The following U2AF1L4 variants were observed in gnomAD, a reference collection of about 807,000 sequenced individuals.
U2AF1L4 encodes splicing factor U2AF 26 kDa subunit.
In U2AF1L4, 21 loss-of-function variants were observed where a neutral mutation model predicts 21.7. The ratio of observed to expected loss-of-function variants is 0.97; its 90% CI spans 0.69 to 1.39. The LOEUF is 1.39. U2AF1L4 is among the 40% of genes most tolerant of loss of function. The pLI is 0.00. For missense variants in U2AF1L4, 259 were observed against 245.7 expected, an observed-to-expected ratio of 1.05 and a Z score of -0.36; for synonymous variants, 92 against 89.7, an observed-to-expected ratio of 1.03 and a Z score of -0.15.
chr19:35,745,092 C>G (rs746299510), intron 2 of U2AF1L4, 33 bp downstream of exon 2: 4 of 1,602,354 alleles, frequency 2.5e-6, no homozygotes, highest in Non-Finnish European at 3.4e-6. Context: ...GCCAGGGAGC[C>G]GTTAACCCCC....
At position 35,744,385 on chromosome 19, in the gene U2AF1L4, T is replaced by G. The variant is rs1195675624; in HGVS notation, c.169A>C (p.Ile57Leu). The G allele has an allele frequency of 5.0e-6, 8 of 1,613,952 alleles. No homozygotes were observed. The highest frequency in any genetic ancestry group is 6.8e-6 in the Non-Finnish European group (8 of 1,180,030). Residue 57 changes from isoleucine to leucine, a missense_variant, in exon 3 of 6, where the codon ATT becomes CTT. Coordinates refer to ENST00000378975, the MANE Select transcript of U2AF1L4 (RefSeq NM_001040425.3). ...TTGTCGCACACATTCATCTCTTCAATCTCCCCATACTTCTCCTGCAGTTCT... is the reference window on the plus strand; with the variant it reads ...TTGTCGCACACATTCATCTCTTCAAGCTCCCCATACTTCTCCTGCAGTTCT... ...FTELQEKYGE[I>L]EEMNVCDNLG...
Position 35,742,800 on chromosome 19 carries a change from T to C in U2AF1L4, c.465A>G (p.Ser155=), listed in dbSNP as rs774598881. ...GGTGGCCAGTATGGAACCTCGGGGG[T>C]GACCTGGGAATAGGAGCGTTGAGAG... ...QLYGRGPRRR[S]PPRFHTGHHP... Residue 155 remains serine (S), a synonymous_variant, in exon 6 of 6, where the codon TCA becomes TCG. Transcript: ENST00000378975. 5 of 1,609,656 alleles carry C rather than the reference T, an allele frequency of 3.1e-6. No homozygotes were observed. In the African/African-American group the frequency reaches 6.7e-5, roughly 22 times the overall value.
intron 5 of U2AF1L4, 38 bp downstream of exon 5, chr19:35,743,771 A>C (rs1449414684): frequency 3.8e-6 from 6 of 1,562,386 alleles, no homozygotes; most frequent in Non-Finnish European, 5.2e-6. Flanking sequence ...TAGGGGCCTT[A>C]GGACATGAGG....
intron 2 of U2AF1L4, 117 bp from the exon 3 acceptor site, chr19:35,744,538 G>A (rs555773268): frequency 2.5e-6 from 4 of 1,590,746 alleles, no homozygotes; most frequent in East Asian, 4.5e-5. Flanking sequence ...TCACTCACAT[G>A]ACCTGGGGTG....
chr19:35,744,496 A>G (rs935102552), intron 2 of U2AF1L4, 75 bp from the exon 3 acceptor site: 1 of 1,611,692 alleles, frequency 6.2e-7, no homozygotes, highest in African/African-American at 1.3e-5. Context: ...CTCACCTCGA[A>G]GAAGCTATCA....
At chr19:35,745,080 G>A in intron 2 of U2AF1L4, 45 bp downstream of exon 2, 1 of 1,579,810 alleles carries the variant, frequency 6.3e-7, no homozygotes, top group Non-Finnish European at 8.7e-7. Context: ...AGAAGGGGAA[G>A]GGCCAGGGAG....
At position 35,742,754 on chromosome 19, in the gene U2AF1L4, G is replaced by A. The variant is rs1322578474; in HGVS notation, c.511C>T (p.Arg171Trp). 2.4e-5 allele frequency: 39 copies of A among 1,610,428 alleles called. No individual in the cohort carries two copies. Among genetic ancestry groups the A allele is most frequent in the African/African-American group, 4.0e-5 (3 of 74,650 alleles). The stretch of plus-strand genomic sequence containing the variant: ...CCATGCCAGTGATCAGGGGAACACC[G>A]ATGGTTCCTCTCTCGGGGATGGTGG... ...TGHHPRERNH[R>W]CSPDHWHGRF The change falls in exon 6 of 6, where the codon CGG becomes TGG. Residue 171 changes from arginine (R) to tryptophan (W), a missense_variant. Coordinates refer to ENST00000378975, the MANE Select transcript of U2AF1L4 (RefSeq NM_001040425.3).
rs1232505764 is a variant in U2AF1L4, at chr19:35,745,229, G to A, written c.45-17C>T. The A allele has an allele frequency of 6.2e-7, 1 of 1,612,486 alleles. No homozygotes were observed. The highest frequency in any genetic ancestry group is 8.5e-7 in the Non-Finnish European group (1 of 1,179,276). ...CAGTTAACCCTGGAAAAGGTGCAAA[G>A]ACAAAGGTGAACCGAGGGCCGGGGA... is the stretch of plus-strand genomic sequence containing the variant. On this transcript the variant is annotated splice_polypyrimidine_tract_variant and intron_variant, in intron 1 of 5. Coordinates refer to ENST00000378975, the MANE Select transcript of U2AF1L4 (RefSeq NM_001040425.3).
intron 5 of U2AF1L4, 185 bp downstream of exon 5, chr19:35,743,624 T>A: frequency 1.6e-6 from 1 of 637,530 alleles, no homozygotes; most frequent in Middle Eastern, 4.1e-4. Context: ...GAGGCGGAAG[T>A]TGCCATGAAC....
chr19:35,742,707 G>A lies in U2AF1L4; in HGVS notation c.*12C>T. On this transcript the variant is annotated 3_prime_UTR_variant, in exon 6 of 6. Coordinates refer to ENST00000378975, the MANE Select transcript of U2AF1L4 (RefSeq NM_001040425.3). ...GTCCCTGTTGGGGGTGAAGGGTAAGGGGGCCAGGGCCTCAGAAGCGGCCAT... is the reference window on the plus strand; with the variant it reads ...GTCCCTGTTGGGGGTGAAGGGTAAGAGGGCCAGGGCCTCAGAAGCGGCCAT... 6.2e-7 allele frequency: 1 copy of A among 1,611,384 alleles called. No homozygotes were observed. The highest frequency in any genetic ancestry group is 8.5e-7 in the Non-Finnish European group (1 of 1,179,442).
intron 2 of U2AF1L4, chr19:35,744,665 T>G (rs2146513813): frequency 6.5e-7 from 1 of 1,536,228 alleles, no homozygotes; most frequent in Non-Finnish European, 8.7e-7. Flanking sequence ...TTCTGTGGAT[T>G]CCGGTACAGG....
intron 4 of U2AF1L4, 47 bp from the exon 5 acceptor site, chr19:35,743,951 C>A: frequency 1.2e-6 from 2 of 1,609,170 alleles, no homozygotes; most frequent in Non-Finnish European, 1.7e-6. Flanking sequence ...CACTGACAGC[C>A]CCTACCACGC....
chr19:35,744,545 G>T (rs1970473319), intron 2 of U2AF1L4, 124 bp from the exon 3 acceptor site: 1 of 1,581,794 alleles, frequency 6.3e-7, no homozygotes, highest in African/African-American at 1.3e-5. Context: ...CATGACCTGG[G>T]GTGGGGGCGG....
At chr19:35,742,928 G>A in intron 5 of U2AF1L4, 125 bp from the exon 6 acceptor site, 4 of 882,678 alleles carry the variant, frequency 4.5e-6, no homozygotes, top group Non-Finnish European at 7.1e-6. Flanking sequence ...TCTAAGACAC[G>A]ACCTCAGTGG....
At position 35,744,396 on chromosome 19, in the gene U2AF1L4, T is replaced by G. The variant is rs1263652301; in HGVS notation, c.158A>C (p.Lys53Thr). ...SQEVFTELQE[K>T]YGEIEEMNVC... ...ATTCATCTCTTCAATCTCCCCATAC[T>G]TCTCCTGCAGTTCTGTGAACACCTC... Residue 53 changes from lysine to threonine, a missense_variant, in exon 3 of 6, where the codon AAG becomes ACG. By Grantham distance (78) the Lys-to-Thr change is moderately conservative. Coordinates refer to ENST00000378975, the MANE Select transcript of U2AF1L4 (RefSeq NM_001040425.3). 1 of 1,614,034 alleles carries G rather than the reference T, an allele frequency of 6.2e-7. No homozygotes were observed. Among genetic ancestry groups the G allele is most frequent in the Non-Finnish European group, 8.5e-7 (1 of 1,180,038 alleles).
rs780666454 is a variant in U2AF1L4, at chr19:35,743,899, C to G, written c.371G>C (p.Cys124Ser). 50 of 1,613,540 alleles carry G rather than the reference C, an allele frequency of 3.1e-5. No individual in the cohort carries two copies. Among genetic ancestry groups the G allele is most frequent in the Non-Finnish European group, 4.1e-5 (48 of 1,179,782 alleles). Residue 124 changes from cysteine (C) to serine (S), a missense_variant, in exon 5 of 6, where the codon TGT becomes TCT. Coordinates refer to ENST00000378975, the MANE Select transcript of U2AF1L4 (RefSeq NM_001040425.3). ...SCCRQYEMGE[C>S]TRGGFCNFMH... The stretch of plus-strand genomic sequence containing the variant: ...GAAGTTGCAGAAGCCACCTCGGGTA[C>G]ATTCCCTGCATAGAGGGTAGAGAGA...
At chr19:35,744,913 G>A (rs1599730519) in intron 2 of U2AF1L4, 2 of 709,034 alleles carry the variant, frequency 2.8e-6, no homozygotes. Context: ...CAGCCGCCGT[G>A]TGTAGCCTGT....
chr19:35,743,873 T>TGAA lies in U2AF1L4; in HGVS notation c.394_396dup (p.Phe132dup). The TGAA allele has an allele frequency of 1.2e-6, 2 of 1,613,534 alleles. No individual in the cohort carries two copies. The highest frequency in any genetic ancestry group is 1.7e-6 in the Non-Finnish European group (2 of 1,179,810). ...TTCTGGGAAATGGGCCGCAGATGCA[T>TGAA]GAAGTTGCAGAAGCCACCTCGGGTA... On this transcript the variant is annotated inframe_insertion, in exon 5 of 6. Transcript: ENST00000378975.
intron 2 of U2AF1L4, chr19:35,744,825 G>T: frequency 9.1e-7 from 1 of 1,099,274 alleles, no homozygotes; most frequent in Non-Finnish European, 1.3e-6. Flanking sequence ...GCGATCCTTT[G>T]CCCCTAAGAA....
Sources: allele counts gnomAD v4.1 joint callset, GRCh38; gene constraint gnomAD v4.1.1; transcripts MANE v1.5; gene names NCBI Gene and HGNC (gene_info 2026-07-23, HGNC 2026-07-21).